Variants in CDH4 observed in about 807,000 individuals in gnomAD.
CDH4 encodes cadherin 4.
In CDH4, 33 loss-of-function variants were observed where a neutral mutation model predicts 86.0. The observed-to-expected ratio is 0.38, with a 90% CI of 0.29 to 0.51. The LOEUF (loss-of-function observed/expected upper bound fraction) is 0.51, where lower values mean the gene tolerates loss of function less well. Among genes scored for constraint, CDH4 ranks in the 20% least tolerant of loss-of-function variants. The pLI, the probability that CDH4 is intolerant of heterozygous loss-of-function variation, is 0.86. For synonymous variants in CDH4, 555 were observed against 549.4 expected, an observed-to-expected ratio of 1.01 and a Z score of -0.14; for missense variants, 1,114 against 1,307.4, an observed-to-expected ratio of 0.85 and a Z score of 2.28.
intron 9 of CDH4, among the ~76,000 whole-genome samples, chr20:61,912,678 G>T (rs188932826): frequency 6.6e-6 from 1 of 152,078 alleles, no homozygotes; most frequent in Non-Finnish European, 1.5e-5. Context: ...TTTTTTCACC[G>T]TAAAAGATAG....
chr20:61,791,486 C>T (rs1979199185), intron 4 of CDH4, among the ~76,000 whole-genome samples: 2 of 152,198 alleles, frequency 1.3e-5, no homozygotes, highest in South Asian at 2.1e-4. Flanking sequence ...ATGGATGAGA[C>T]GTGTATTGCG....
chr20:61,475,669 CCT>C (rs2085532132), intron 2 of CDH4, among the ~76,000 whole-genome samples: 1 of 108,894 alleles, frequency 9.2e-6, no homozygotes, highest in Non-Finnish European at 1.8e-5. Flanking sequence ...TCTCTCTCTT[CCT>C]CTCTCTCTCC....
At chr20:61,418,214 T>TC (rs2145498579) in intron 2 of CDH4, among the ~76,000 whole-genome samples, 1 of 149,746 alleles carries the variant, frequency 6.7e-6, no homozygotes, top group African/African-American at 2.5e-5. Flanking sequence ...TTTTTCTTTT[T>TC]TTTTTTTTTT....
intron 2 of CDH4, among the ~76,000 whole-genome samples, chr20:61,668,943 T>A (rs1210779108): frequency 6.6e-6 from 1 of 152,176 alleles, no homozygotes; most frequent in African/African-American, 2.4e-5. Context: ...AGCCCCTCTC[T>A]CCAGTCTGTC....
At chr20:61,618,896 C>G (rs560908846) in intron 2 of CDH4, among the ~76,000 whole-genome samples, 1 of 152,276 alleles carries the variant, frequency 6.6e-6, no homozygotes, top group East Asian at 1.9e-4. Flanking sequence ...GAAATTGGAG[C>G]CAAGAAGAGC....
At chr20:61,766,394 G>T (rs1568803722) in intron 3 of CDH4, among the ~76,000 whole-genome samples, 1 of 152,022 alleles carries the variant, frequency 6.6e-6, no homozygotes, top group Non-Finnish European at 1.5e-5. Flanking sequence ...CCAGGCTGCA[G>T]GAGTCTTGCC....
intron 2 of CDH4, among the ~76,000 whole-genome samples, chr20:61,739,643 G>T (rs1281285345): frequency 2.0e-5 from 3 of 152,236 alleles, no homozygotes; most frequent in African/African-American, 7.2e-5. Context: ...CCTGGATGGG[G>T]CTGAGGCACC....
intron 2 of CDH4, among the ~76,000 whole-genome samples, chr20:61,262,964 T>TGAGAGAGAGA (rs11472416): frequency 2.0e-5 from 3 of 148,104 alleles, no homozygotes; most frequent in African/African-American, 7.5e-5. Flanking sequence ...AATCATGAAC[T>TGAGAGAGAGA]GAGAGAGAGA....
At chr20:61,300,884 G>C (rs886572805) in intron 2 of CDH4, among the ~76,000 whole-genome samples, 10 of 152,292 alleles carry the variant, frequency 6.6e-5, no homozygotes, top group Admixed American at 6.5e-4. Context: ...CCTTCCTTTT[G>C]GAGCAGTTCA....
chr20:61,604,524 T>C (rs189930416), intron 2 of CDH4, among the ~76,000 whole-genome samples: 1 of 151,962 alleles, frequency 6.6e-6, no homozygotes. Context: ...TTTTAGGGTA[T>C]TTTCAGCATT....
At chr20:61,484,236 A>G (rs1243886674) in intron 2 of CDH4, among the ~76,000 whole-genome samples, 1 of 152,210 alleles carries the variant, frequency 6.6e-6, no homozygotes, top group East Asian at 1.9e-4. Flanking sequence ...AAAACTTGCC[A>G]CCATGCCATG....
At chr20:61,830,983 C>T (rs776831451) in intron 4 of CDH4, among the ~76,000 whole-genome samples, 2 of 152,148 alleles carry the variant, frequency 1.3e-5, no homozygotes, top group Non-Finnish European at 2.9e-5. Context: ...AAGCTGAGCT[C>T]TGAAGGCCTC....
chr20:61,862,963 T>A (rs1002544662), intron 6 of CDH4, among the ~76,000 whole-genome samples: 2 of 152,148 alleles, frequency 1.3e-5, no homozygotes, highest in African/African-American at 4.8e-5. Context: ...TTTTCTTTCT[T>A]TGCCGGCAGA....
chr20:61,902,528 A>C lies in CDH4; in HGVS notation c.1188+7481A>C, dbSNP rs532293297. ...AGCGGCCGTTGACACAGGGACAGGC[A>C]CACCTTTTCTTGAATGGTCTGGAGA... On this transcript the variant is annotated intron_variant, in intron 8 of 15. Transcript: ENST00000614565. The surrounding 1 kb of genome is among the most constrained non-coding windows in gnomAD (Gnocchi z 4.6). 6.6e-6 allele frequency among the ~76,000 whole-genome samples: 1 copy of C among 152,374 alleles called. No homozygotes were observed. Among genetic ancestry groups the C allele is most frequent in the Admixed American group, 6.5e-5 (1 of 15,310 alleles).
chr20:61,751,850 A>C (rs1171465864), intron 3 of CDH4, among the ~76,000 whole-genome samples: 4 of 152,230 alleles, frequency 2.6e-5, no homozygotes, highest in African/African-American at 9.6e-5. Flanking sequence ...GGCATCTTTA[A>C]GAAAAAAGTA....
At chr20:61,613,443 C>A (rs1344624068) in intron 2 of CDH4, among the ~76,000 whole-genome samples, 1 of 151,976 alleles carries the variant, frequency 6.6e-6, no homozygotes, top group Non-Finnish European at 1.5e-5. Flanking sequence ...TTCTCACCTC[C>A]TAATATCGCC....
chr20:61,400,971 A>G (rs2085046315), intron 2 of CDH4, among the ~76,000 whole-genome samples: 1 of 152,176 alleles, frequency 6.6e-6, no homozygotes, highest in African/African-American at 2.4e-5. Flanking sequence ...CTTCTTTCAC[A>G]GTCGCCAGCA....
chr20:61,614,994 C>T (rs1047543767), intron 2 of CDH4, among the ~76,000 whole-genome samples: 1 of 152,148 alleles, frequency 6.6e-6, no homozygotes, highest in Non-Finnish European at 1.5e-5. Context: ...CCCAGAACAC[C>T]AGAAACCAGG....
chr20:61,780,144 C>G (rs774082703), intron 4 of CDH4, among the ~76,000 whole-genome samples: 14 of 152,200 alleles, frequency 9.2e-5, no homozygotes, highest in Non-Finnish European at 2.1e-4. Flanking sequence ...GAGCTCATGC[C>G]ACCCCTTGGC....
Sources: gnomAD v4.1 joint callset for allele counts (sites outside exome capture counted in the v4.1 genomes callset) on GRCh38, gnomAD v4.1.1 for gene constraint, Gnocchi (gnomAD v3.1) non-coding constraint, MANE v1.5 for transcripts, NCBI Gene and HGNC (gene_info 2026-07-23, HGNC 2026-07-21) for gene names.